Variants in MORN5 observed in about 807,000 individuals in gnomAD.
MORN5 encodes the protein MORN repeat-containing protein 5.
A neutral mutation model predicts 22.1 loss-of-function variants in MORN5; 21 were observed. The ratio of observed to expected loss-of-function variants is 0.95; its 90% CI spans 0.67 to 1.37. The LOEUF is 1.37. MORN5 is among the 40% of genes most tolerant of loss of function. The probability of loss-of-function intolerance (pLI) is 0.00; values close to 1 mark genes in which losing one functional copy is unlikely to be tolerated. For synonymous variants in MORN5, 73 were observed against 74.0 expected, an observed-to-expected ratio of 0.99 and a Z score of 0.07; for missense variants, 211 against 215.1, an observed-to-expected ratio of 0.98 and a Z score of 0.12.
At chr9:122,173,929 T>C (rs1034658026) in intron 3 of MORN5, among the ~76,000 whole-genome samples, 1 of 152,228 alleles carries the variant, frequency 6.6e-6, no homozygotes, top group Admixed American at 6.5e-5. Context: ...AGGAGCACAA[T>C]GCCTGGCACA....
At chr9:122,191,145 C>G (rs912508549) in intron 4 of MORN5, among the ~76,000 whole-genome samples, 1 of 152,328 alleles carries the variant, frequency 6.6e-6, no homozygotes, top group Admixed American at 6.5e-5. Flanking sequence ...TGCCTCTGCT[C>G]TCTGCACGTG....
rs371162019 is a variant in MORN5 at position 122,199,893 on chromosome 9, G to A, written c.448G>A (p.Glu150Lys). The change falls in exon 5 of 5, where the codon GAG becomes AAG. Residue 150 changes from glutamate (E) to lysine (K), a missense_variant. By Grantham distance (56) the Glu-to-Lys change is moderately conservative. Coordinates refer to ENST00000373764, the MANE Select transcript of MORN5 (RefSeq NM_198469.4). ...TTCCTCTTTCCTTGCAGATGATGAC[G>A]AGCATGAGTGGATCACCCGTACCTG... is the stretch of plus-strand genomic sequence containing the variant. ...NRFLRNADDD[E>K]HEWITRTCRK... The A allele has an allele frequency of 4.5e-5, 73 of 1,613,768 alleles. No individual in the cohort carries two copies. Among genetic ancestry groups the A allele is most frequent in the South Asian group, 1.3e-4 (12 of 91,068 alleles).
At position 122,174,855 on chromosome 9, in the gene MORN5, C is replaced by G. The variant is rs1275741294; in HGVS notation, c.439+228C>G. On this transcript the variant is annotated intron_variant, in intron 4 of 4. Transcript: ENST00000373764. ...CATTCGTGGTCTAGCAGTGACGGCA[C>G]ATAAATGTCGCACTGAAAGGATTAA... 3 of 1,352,254 alleles carry G rather than the reference C, an allele frequency of 2.2e-6. No individual in the cohort carries two copies. In the East Asian group the frequency reaches 9.5e-5, roughly 43 times the overall value. The allele number at this position is 1,352,254 out of a possible 1,614,324, so 83.8% of individuals were successfully genotyped here.
intron 4 of MORN5, among the ~76,000 whole-genome samples, chr9:122,196,335 AT>A (rs35655121): frequency 0.38 from 51,430 of 136,166 alleles, 10,879 homozygotes; most frequent in African/African-American, 0.63. Flanking sequence ...AAAGCCAATA[AT>A]TTTTTTTTTT....
intron 4 of MORN5, chr9:122,175,700 GAAAGA>G: frequency 1.0e-6 from 1 of 985,332 alleles, no homozygotes; most frequent in Non-Finnish European, 1.2e-6. Flanking sequence ...TCTATAATGA[GAAAGA>G]AACTGCCAGG....
At chr9:122,167,353 CT>C (rs61672512) in intron 2 of MORN5, among the ~76,000 whole-genome samples, 192 of 104,542 alleles carry the variant, frequency 1.8e-3, no homozygotes, top group East Asian at 9.8e-3. Context: ...CGCACCTGAC[CT>C]TTTTTTTTTT....
chr9:122,175,600 CCA>C (rs1326454345), intron 4 of MORN5: 3 of 970,178 alleles, frequency 3.1e-6, no homozygotes, highest in East Asian at 2.3e-4. Flanking sequence ...ACACGTGCAC[CCA>C]CACGCGCACA....
At position 122,187,644 on chromosome 9, in the gene MORN5, A is replaced by G. The variant is rs373106707; in HGVS notation, c.440-12241A>G. On this transcript the variant is annotated intron_variant, in intron 4 of 4. Transcript: ENST00000373764. ...CTAAATGTTCAAGAGACTGTGAAGA[A>G]ACTCCCACCCCTCGAAATATAGCTT... is the stretch of plus-strand genomic sequence containing the variant. Among the ~76,000 whole-genome samples the G allele has an allele frequency of 2.6e-5, 4 of 152,330 alleles. 1 individual carries two copies.
At chr9:122,192,633 C>T (rs1007645070) in intron 4 of MORN5, among the ~76,000 whole-genome samples, 5 of 152,206 alleles carry the variant, frequency 3.3e-5, no homozygotes, top group African/African-American at 1.2e-4. Flanking sequence ...TCAGCTCCTC[C>T]CTGCCTTCAC....
At chr9:122,179,575 T>A (rs1010804) in intron 4 of MORN5, among the ~76,000 whole-genome samples, 1 of 151,850 alleles carries the variant, frequency 6.6e-6, no homozygotes, top group African/African-American at 2.4e-5. Flanking sequence ...CTCTTCATCT[T>A]TAAAATGAGA....
chr9:122,160,129 C>A (rs1170470702), intron 1 of MORN5, 110 bp downstream of exon 1: 1 of 971,690 alleles, frequency 1.0e-6, no homozygotes, highest in East Asian at 2.4e-5. Flanking sequence ...ACAAACTTGC[C>A]CGAGTAATTT....
chr9:122,185,467 C>A (rs1167358491), intron 4 of MORN5, among the ~76,000 whole-genome samples: 1 of 144,134 alleles, frequency 6.9e-6, no homozygotes, highest in South Asian at 2.3e-4. Flanking sequence ...ACCTCGTGAT[C>A]TGCCCTCCTT....
chr9:122,175,436 A>G, intron 4 of MORN5: 1 of 983,624 alleles, frequency 1.0e-6, no homozygotes, highest in Non-Finnish European at 1.2e-6. Flanking sequence ...ACAGTGACCA[A>G]ACTCACAGGA....
At chr9:122,167,930 G>A (rs770612126) in intron 2 of MORN5, among the ~76,000 whole-genome samples, 18 of 151,972 alleles carry the variant, frequency 1.2e-4, no homozygotes, top group African/African-American at 3.4e-4. Flanking sequence ...TCATCATCAC[G>A]TCACCCTTCG....
At chr9:122,192,076 A>T (rs1332581105) in intron 4 of MORN5, among the ~76,000 whole-genome samples, 1 of 152,236 alleles carries the variant, frequency 6.6e-6, no homozygotes, top group Non-Finnish European at 1.5e-5. Context: ...GAAACCTGCT[A>T]CAAAGACGAG....
Position 122,166,830 on chromosome 9 carries a change from A to G in MORN5, c.110A>G (p.Asp37Gly), listed in dbSNP as rs1449635894. 9 of 1,613,868 alleles carry G rather than the reference A, an allele frequency of 5.6e-6. No homozygotes were observed. In the South Asian group the frequency reaches 6.6e-5, roughly 12 times the overall value. The change falls in exon 2 of 5, where the codon GAT becomes GGT. Residue 37 changes from aspartate (D) to glycine (G), a missense_variant. Physicochemically the swap from Asp to Gly is moderately conservative, Grantham distance 94. Transcript: ENST00000373764. The part of the protein sequence containing the change: ...TETIYVGEMK[D>G]GMFHGEGTLY... ...ACAATATATGTTGGGGAAATGAAGG[A>G]TGGCATGTTTCACGGCGAGGGAACC...
At chr9:122,165,062 G>C (rs985917353) in intron 1 of MORN5, among the ~76,000 whole-genome samples, 1 of 152,182 alleles carries the variant, frequency 6.6e-6, no homozygotes, top group Non-Finnish European at 1.5e-5. Flanking sequence ...AAACAAGATA[G>C]AAAGTGTTAC....
chr9:122,174,463 T>C (rs750540338), intron 3 of MORN5, 33 bp from the exon 4 acceptor site: 2 of 1,610,284 alleles, frequency 1.2e-6, no homozygotes, highest in Non-Finnish European at 1.7e-6. Context: ...TTGGCCTTCA[T>C]GGTGAACTAA....
chr9:122,199,785 C>T lies in MORN5; in HGVS notation c.440-100C>T, dbSNP rs1267500564. 5.5e-5 allele frequency: 60 copies of T among 1,086,234 alleles called. 1 individual carries two copies. The highest frequency in any genetic ancestry group is 4.8e-4 in the South Asian group (38 of 79,482). 67.3% of individuals were successfully genotyped at this position (1,086,234 alleles called of 1,614,324 possible). On this transcript the variant is annotated intron_variant, in intron 4 of 4. Coordinates refer to ENST00000373764, the MANE Select transcript of MORN5 (RefSeq NM_198469.4). ...CAAAACTACACAGACTGGCCATCGACGGACCATCCCAGTCCCAACGCCCCA... is the reference window on the plus strand; with the variant it reads ...CAAAACTACACAGACTGGCCATCGATGGACCATCCCAGTCCCAACGCCCCA...
Sources: allele counts gnomAD v4.1 joint callset (sites outside exome capture counted in the v4.1 genomes callset), GRCh38; gene constraint gnomAD v4.1.1; transcripts MANE v1.5; gene names NCBI Gene and HGNC (gene_info 2026-07-23, HGNC 2026-07-21).